Variants in GALNT9 observed in about 807,000 individuals in gnomAD.
GALNT9 encodes the protein GalNAc transferase 9.
GALNT9 carries 47 observed loss-of-function variants against 63.1 expected under a neutral mutation model. The observed-to-expected ratio is 0.75, with a 90% CI of 0.59 to 0.95. The LOEUF is 0.95. Among genes scored for constraint, GALNT9 ranks in the 40% least tolerant of loss-of-function variants. The probability of loss-of-function intolerance (pLI) is 0.00; values close to 1 mark genes in which losing one functional copy is unlikely to be tolerated. For missense variants in GALNT9, 829 were observed against 874.8 expected (o/e 0.95, Z 0.66); for synonymous variants, 396 against 365.7 (o/e 1.08, Z -0.94).
chr12:132,285,062 A>G (rs1377797104), intron 2 of GALNT9, among the ~76,000 whole-genome samples: 2 of 152,152 alleles, frequency 1.3e-5, no homozygotes, highest in Non-Finnish European at 2.9e-5. Context: ...CCCCATCTCA[A>G]ATGAGCTCCT....
intron 4 of GALNT9, among the ~76,000 whole-genome samples, chr12:132,258,746 C>T (rs782007157): frequency 2.0e-5 from 3 of 152,206 alleles, no homozygotes; most frequent in Admixed American, 1.3e-4. Flanking sequence ...GCTCAGTCTT[C>T]GATTCCCCGT....
At chr12:132,225,987 CACA>C (rs1218718591) in intron 6 of GALNT9, among the ~76,000 whole-genome samples, 4,238 of 144,832 alleles carry the variant, frequency 0.029, 265 homozygotes, top group African/African-American at 0.11. Flanking sequence ...ACACCCCACA[CACA>C]TACACCCCAC....
intron 6 of GALNT9, among the ~76,000 whole-genome samples, chr12:132,235,079 G>C (rs1385079019): frequency 1.2e-5 from 1 of 81,452 alleles, no homozygotes; most frequent in Non-Finnish European, 2.4e-5. Flanking sequence ...AGGAGACAGC[G>C]TGGAGTCCCT....
intron 2 of GALNT9, among the ~76,000 whole-genome samples, chr12:132,285,719 C>T (rs1478168560): frequency 6.6e-6 from 1 of 152,282 alleles, no homozygotes; most frequent in African/African-American, 2.4e-5. Context: ...CATGGTGCCT[C>T]AGCCCAGCTT....
At chr12:132,264,275 G>A (rs964563329) in intron 2 of GALNT9, among the ~76,000 whole-genome samples, 8 of 152,216 alleles carry the variant, frequency 5.3e-5, no homozygotes, top group East Asian at 1.9e-4. Context: ...CTGGCCACGC[G>A]GAGAAGCGTG....
intron 8 of GALNT9, 35 bp downstream of exon 8, chr12:132,201,089 G>A (rs1462471452): frequency 6.2e-7 from 1 of 1,602,694 alleles, no homozygotes; most frequent in East Asian, 2.2e-5. Flanking sequence ...CAGAAAGCCT[G>A]TCGGGCCGAA....
intron 6 of GALNT9, among the ~76,000 whole-genome samples, chr12:132,211,926 C>T (rs1051987612): frequency 1.3e-5 from 2 of 152,218 alleles, no homozygotes; most frequent in African/African-American, 4.8e-5. Context: ...TACATCTGCT[C>T]AGGAGGTGAA....
Position 132,322,620 on chromosome 12 carries a change from T to C in GALNT9, c.238+6346A>G, listed in dbSNP as rs561240070. ...CACCCCTTCACAGTTTGCCCCCTCC[T>C]ACTTCCAGAACGTAGGAAGCACCAT... On this transcript the variant is annotated intron_variant, in intron 1 of 10. Transcript: ENST00000328957. 2.6e-5 allele frequency among the ~76,000 whole-genome samples: 4 copies of C among 152,256 alleles called. No homozygotes were observed. The South Asian group carries it at 8.3e-4, about 32-fold the overall frequency.
intron 6 of GALNT9, among the ~76,000 whole-genome samples, chr12:132,235,638 C>T (rs1877974799): frequency 6.6e-6 from 1 of 152,144 alleles, no homozygotes; most frequent in Admixed American, 6.5e-5. Context: ...GTTGCTCAGC[C>T]CCCAGCGGCC....
At chr12:132,230,735 G>A (rs1329891835) in intron 6 of GALNT9, among the ~76,000 whole-genome samples, 1 of 152,250 alleles carries the variant, frequency 6.6e-6, no homozygotes, top group African/African-American at 2.4e-5. Flanking sequence ...GGAGGGGCTG[G>A]CTGACGTGTG....
At chr12:132,200,271 G>GT (rs1178733262) in intron 8 of GALNT9, among the ~76,000 whole-genome samples, 1 of 152,224 alleles carries the variant, frequency 6.6e-6, no homozygotes, top group Admixed American at 6.5e-5. Flanking sequence ...CTCATGGTGG[G>GT]AGGCACCCCA....
rs781916816 is a variant in GALNT9, at chr12:132,247,757, C to T, written c.1077+153G>A. ...TCACCCCGTCCCCAGATGCCGTGGC[C>T]GCACTCGCCCTCACCCCATCCCCGG... On this transcript the variant is annotated intron_variant, in intron 6 of 10. Coordinates refer to ENST00000328957, the MANE Select transcript of GALNT9 (RefSeq NM_001122636.2). 34 of 1,281,182 alleles carry T rather than the reference C, an allele frequency of 2.7e-5. No homozygotes were observed. In the East Asian group the frequency reaches 3.9e-4, roughly 15 times the overall value. 79.4% of individuals were successfully genotyped at this position (1,281,182 alleles called of 1,614,324 possible).
At chr12:132,317,853 C>T (rs1868594518) in intron 1 of GALNT9, among the ~76,000 whole-genome samples, 1 of 152,332 alleles carries the variant, frequency 6.6e-6, no homozygotes, top group East Asian at 1.9e-4. Context: ...GATCCACGGT[C>T]GACCTGGCAC....
rs561082797 is a variant in GALNT9 at position 132,260,279 on chromosome 12, C to T, written c.761+669G>A. 1.8e-4 allele frequency among the ~76,000 whole-genome samples: 28 copies of T among 152,248 alleles called. No homozygotes were observed. In the South Asian group the frequency reaches 2.9e-3, roughly 16 times the overall value. On this transcript the variant is annotated intron_variant, in intron 4 of 10. Transcript: ENST00000328957. ...GGGCCTGGAGCCTCTGGGGGAAACTCGGCCCTGCCCACACCTTGGAGTCGG... is the reference window on the plus strand; with the variant it reads ...GGGCCTGGAGCCTCTGGGGGAAACTTGGCCCTGCCCACACCTTGGAGTCGG...
chr12:132,208,113 TCA>T (rs1230895047), intron 6 of GALNT9, among the ~76,000 whole-genome samples: 2 of 152,242 alleles, frequency 1.3e-5, no homozygotes, highest in African/African-American at 4.8e-5. Context: ...GGCTCTCCCA[TCA>T]CAGTCTCAAG....
At chr12:132,204,521 G>A (rs1190433425) in intron 6 of GALNT9, among the ~76,000 whole-genome samples, 3 of 152,144 alleles carry the variant, frequency 2.0e-5, no homozygotes, top group Non-Finnish European at 4.4e-5. Flanking sequence ...CTCGATTCGG[G>A]CTGGGACGTG....
chr12:132,329,077 C>G lies in GALNT9; in HGVS notation c.127G>C (p.Gly43Arg), dbSNP rs1555246746. 3.2e-6 allele frequency: 5 copies of G among 1,547,952 alleles called. No individual in the cohort carries two copies. Among genetic ancestry groups the G allele is most frequent in the Middle Eastern group, 1.7e-4 (1 of 5,988 alleles). Reference protein sequence around the residue: ...RSQELVRIVSGDRRVRSRHAK... With the variant: ...RSQELVRIVSRDRRVRSRHAK... ...TGTCGGCTGCGCACCCGGCGGTCGCCGCTCACGATGCGCACGAGCTCCTGG... is the reference window on the plus strand; with the variant it reads ...TGTCGGCTGCGCACCCGGCGGTCGCGGCTCACGATGCGCACGAGCTCCTGG... Residue 43 changes from glycine to arginine, a missense_variant, in exon 1 of 11, where the codon GGC (glycine) becomes CGC (arginine). Coordinates refer to ENST00000328957, the MANE Select transcript of GALNT9 (RefSeq NM_001122636.2).
chr12:132,276,826 T>C (rs1450492030), intron 2 of GALNT9, among the ~76,000 whole-genome samples: 3 of 152,166 alleles, frequency 2.0e-5, no homozygotes, highest in African/African-American at 7.2e-5. Context: ...AAATCAGTAA[T>C]GCAGCTAATG....
At chr12:132,314,409 G>A (rs1868409235) in intron 1 of GALNT9, among the ~76,000 whole-genome samples, 1 of 152,086 alleles carries the variant, frequency 6.6e-6, no homozygotes, top group Admixed American at 6.6e-5. Flanking sequence ...CGCTTCATAT[G>A]CACCATCTTG....
Sources: gnomAD v4.1 joint callset for allele counts (sites outside exome capture counted in the v4.1 genomes callset) on GRCh38, gnomAD v4.1.1 for gene constraint, MANE v1.5 for transcripts, NCBI Gene and HGNC (gene_info 2026-07-23, HGNC 2026-07-21) for gene names.